The following WWOX variants were observed in gnomAD, a reference collection of about 807,000 sequenced individuals.
WWOX encodes the protein WW domain-containing oxidoreductase.
WWOX carries 69 observed loss-of-function variants against 46.2 expected under a neutral mutation model. That is an observed-to-expected ratio of 1.49 (90% CI 1.23 to 1.82). WWOX has a LOEUF of 1.82. Among genes scored for constraint, WWOX ranks in the 40% most tolerant of loss-of-function variants. The pLI is 0.00. For missense variants in WWOX, 919 were observed against 542.6 expected, an observed-to-expected ratio of 1.69 and a Z score of -6.89; for synonymous variants, 359 against 202.6, an observed-to-expected ratio of 1.77 and a Z score of -6.56.
intron 8 of WWOX, among the ~76,000 whole-genome samples, chr16:79,040,761 C>G (rs4374182): frequency 7.9e-5 from 12 of 151,942 alleles, no homozygotes; most frequent in South Asian, 4.2e-4. Context: ...AGCCAGGGAA[C>G]CTGACACTCT....
intron 2 of WWOX, among the ~76,000 whole-genome samples, chr16:78,108,881 T>C (rs1311024698): frequency 6.6e-6 from 1 of 152,126 alleles, no homozygotes; most frequent in Non-Finnish European, 1.5e-5. Flanking sequence ...CCAGCTACTT[T>C]GGAGGCTGAG....
intron 8 of WWOX, among the ~76,000 whole-genome samples, chr16:79,107,000 G>C (rs1335922409): frequency 6.6e-6 from 1 of 151,846 alleles, no homozygotes; most frequent in Non-Finnish European, 1.5e-5. Context: ...TAGTAGAGTT[G>C]GGGTTTCACC....
chr16:78,627,982 C>G (rs530497204), intron 8 of WWOX, among the ~76,000 whole-genome samples: 1 of 152,168 alleles, frequency 6.6e-6, no homozygotes, highest in East Asian at 1.9e-4. Flanking sequence ...TGGCATTTGT[C>G]CTTGGGAGAG....
At chr16:79,107,458 C>G (rs1372158011) in intron 8 of WWOX, among the ~76,000 whole-genome samples, 1 of 152,026 alleles carries the variant, frequency 6.6e-6, no homozygotes, top group African/African-American at 2.4e-5. Context: ...ATATCAATAA[C>G]AAAGAAAAGA....
At chr16:79,161,604 C>G (rs1231716335) in intron 8 of WWOX, among the ~76,000 whole-genome samples, 1 of 152,160 alleles carries the variant, frequency 6.6e-6, no homozygotes. Context: ...CTCACTGTAG[C>G]TGCTGTCTCC....
At chr16:78,647,542 C>A (rs978137463) in intron 8 of WWOX, among the ~76,000 whole-genome samples, 1 of 152,334 alleles carries the variant, frequency 6.6e-6, no homozygotes, top group East Asian at 1.9e-4. Flanking sequence ...TAAGCCTAAT[C>A]TCCATCTTCT....
intron 5 of WWOX, among the ~76,000 whole-genome samples, chr16:78,329,086 C>A (rs1402685754): frequency 6.6e-6 from 1 of 152,254 alleles, no homozygotes; most frequent in Non-Finnish European, 1.5e-5. Context: ...GTCTTGGATT[C>A]CTGATCTCAC....
In WWOX at chr16:79,065,742, C is replaced by A. The variant is rs540802661; in HGVS notation, c.1057-145866C>A. Among the ~76,000 whole-genome samples the A allele has an allele frequency of 2.6e-5, 4 of 152,272 alleles. No homozygotes were observed. In the South Asian group the frequency reaches 8.3e-4, roughly 32 times the overall value. On this transcript the variant is annotated intron_variant, in intron 8 of 8. Coordinates refer to ENST00000566780, the MANE Select transcript of WWOX (RefSeq NM_016373.4). ...TCGGGAAAGGCTGTTATCATTCTTG[C>A]TTTAAGATTAAAGTATAAACTAAAT...
At chr16:78,280,557 C>T (rs768358096) in intron 5 of WWOX, among the ~76,000 whole-genome samples, 2 of 150,356 alleles carry the variant, frequency 1.3e-5, no homozygotes, top group African/African-American at 2.4e-5. Flanking sequence ...GGAAGCATAG[C>T]GGCTTCTGCT....
intron 8 of WWOX, among the ~76,000 whole-genome samples, chr16:79,147,079 C>G (rs1475120617): frequency 6.6e-6 from 1 of 152,158 alleles, no homozygotes; most frequent in Non-Finnish European, 1.5e-5. Flanking sequence ...ATTCAGATTT[C>G]TCATTTTACC....
chr16:78,562,600 C>T (rs926852872), intron 8 of WWOX, among the ~76,000 whole-genome samples: 5 of 152,188 alleles, frequency 3.3e-5, no homozygotes, highest in African/African-American at 1.2e-4. Flanking sequence ...GGGCCTGTCA[C>T]TTACTCCCAT....
At chr16:78,122,973 A>G (rs1213070482) in intron 4 of WWOX, among the ~76,000 whole-genome samples, 2 of 152,098 alleles carry the variant, frequency 1.3e-5, no homozygotes, top group Non-Finnish European at 2.9e-5. Context: ...TTTCCACTAG[A>G]GGGCTCTGTT....
At chr16:79,036,482 C>T (rs1461154144) in intron 8 of WWOX, among the ~76,000 whole-genome samples, 2 of 152,218 alleles carry the variant, frequency 1.3e-5, no homozygotes, top group East Asian at 3.8e-4. Flanking sequence ...TTGACAAACC[C>T]TCCTATGGTG....
intron 1 of WWOX, among the ~76,000 whole-genome samples, chr16:78,106,208 A>T (rs2032133113): frequency 6.6e-6 from 1 of 152,196 alleles, no homozygotes; most frequent in Middle Eastern, 3.2e-3. Context: ...AGGAAAATGC[A>T]AGTCCATCTC....
At chr16:78,607,390 G>C (rs1490835802) in intron 8 of WWOX, among the ~76,000 whole-genome samples, 1 of 152,146 alleles carries the variant, frequency 6.6e-6, no homozygotes, top group East Asian at 1.9e-4. Flanking sequence ...CGATGGAAGA[G>C]TTTGGAAAGT....
chr16:79,212,287 C>CAGCTT lies in WWOX; in HGVS notation c.*495_*499dup. Reference sequence around the variant, plus strand: ...TCATTCATCCTGACCAAGACTGAGCCAGCTTAGCAACTGCTGGGGAGACAA... The same window carrying CAGCTT: ...TCATTCATCCTGACCAAGACTGAGCCAGCTTAGCTTAGCAACTGCTGGGGAGACAA... On this transcript the variant is annotated 3_prime_UTR_variant, in exon 9 of 9. Transcript: ENST00000566780. The CAGCTT allele has an allele frequency of 2.7e-6, 3 of 1,123,066 alleles. No homozygotes were observed. Among genetic ancestry groups the CAGCTT allele is most frequent in the Non-Finnish European group, 3.7e-6 (3 of 818,902 alleles). The allele number at this position is 1,123,066 out of a possible 1,614,324, so 69.6% of individuals were successfully genotyped here.
intron 8 of WWOX, among the ~76,000 whole-genome samples, chr16:78,975,730 C>G (rs2046558630): frequency 6.6e-6 from 1 of 152,156 alleles, no homozygotes; most frequent in Non-Finnish European, 1.5e-5. Flanking sequence ...ATAGGCAACA[C>G]AGAGCCAATT....
intron 8 of WWOX, among the ~76,000 whole-genome samples, chr16:78,703,838 T>C (rs577030338): frequency 1.3e-5 from 2 of 152,156 alleles, no homozygotes; most frequent in African/African-American, 4.8e-5. Flanking sequence ...GGCACAGAAC[T>C]GGGTATGACA....
At chr16:78,984,943 A>G (rs2046755227) in intron 8 of WWOX, among the ~76,000 whole-genome samples, 1 of 151,986 alleles carries the variant, frequency 6.6e-6, no homozygotes, top group Admixed American at 6.6e-5. Flanking sequence ...GTCTGATTTC[A>G]TTTGCCATGT....
Sources: allele counts gnomAD v4.1 joint callset (sites outside exome capture counted in the v4.1 genomes callset), GRCh38; gene constraint gnomAD v4.1.1; transcripts MANE v1.5; gene names NCBI Gene and HGNC (gene_info 2026-07-23, HGNC 2026-07-21).